The following MEG3 variants were observed in gnomAD, a reference collection of about 807,000 sequenced individuals.
MEG3 encodes the protein maternally expressed 3.
At chr14:100,856,748 A>G (rs1253538238), upstream of MEG3, 1 of 152,284 alleles carries the variant, frequency 6.6e-6, no homozygotes, top group Non-Finnish European at 1.5e-5. Flanking sequence ...GTACGCGTTC[A>G]CGCTCACCTC....
At chr14:100,836,239 G>A (rs2037574374) in exon 2 of MEG3, 2 of 456,646 alleles carry the variant, frequency 4.4e-6, no homozygotes, top group South Asian at 3.1e-5. Context: ...CCCTGATGGG[G>A]CCCACCATCC....
intron 1 of MEG3, among the ~76,000 whole-genome samples, chr14:100,826,647 G>T (rs951593293): frequency 6.6e-6 from 1 of 152,196 alleles, no homozygotes; most frequent in Non-Finnish European, 1.5e-5. Context: ...CATGAATTAG[G>T]GGGGGAAGCA....
At position 100,826,151 on chromosome 14, in the gene MEG3, T is replaced by G. The variant is rs557476435; in HGVS notation, n.372-2557T>G. The G allele has an allele frequency of 2.6e-5, 4 of 152,336 alleles. No individual in the cohort carries two copies. The South Asian group carries it at 8.3e-4, about 32-fold the overall frequency. The allele number at this position is 152,336 out of a possible 1,614,324, so 9.4% of individuals were successfully genotyped here. On this transcript the variant is annotated intron_variant and non_coding_transcript_variant, in intron 1 of 2. Transcript: ENST00000556407. The stretch of plus-strand genomic sequence containing the variant: ...CGGAGAGCAGAGAGGGAGCGCGCCT[T>G]GGCTCGCTGGCCTTGGCGGCGGCTC...
chr14:100,860,839 C>A, exon 2 of MEG3: 2 of 372,654 alleles, frequency 5.4e-6, no homozygotes, highest in Admixed American at 3.5e-5. Flanking sequence ...GGCTGGACCC[C>A]TGCCCACCCC....
intron 2 of MEG3, among the ~76,000 whole-genome samples, chr14:100,840,938 T>C (rs2037737186): frequency 6.6e-6 from 1 of 152,206 alleles, no homozygotes; most frequent in Non-Finnish European, 1.5e-5. Context: ...GCCCTTTCTC[T>C]GGGCCTTCCT....
At chr14:100,836,721 G>C (rs1388581444) in intron 2 of MEG3, among the ~76,000 whole-genome samples, 1 of 152,160 alleles carries the variant, frequency 6.6e-6, no homozygotes, top group Non-Finnish European at 1.5e-5. Context: ...ATGCTTGCCT[G>C]CTCCTCAGCT....
intron 1 of MEG3, among the ~76,000 whole-genome samples, chr14:100,826,961 G>A (rs2037251130): frequency 6.6e-6 from 1 of 151,450 alleles, no homozygotes; most frequent in African/African-American, 2.4e-5. Context: ...GGCACTGGGA[G>A]AATAGATGCA....
chr14:100,832,281 C>T (rs1374570420), downstream of MEG3: 1 of 152,202 alleles, frequency 6.6e-6, no homozygotes, highest in East Asian at 1.9e-4. Context: ...CATCAAATCA[C>T]CCTATTCTGG....
chr14:100,840,505 C>T (rs77713434), intron 2 of MEG3, among the ~76,000 whole-genome samples: 20 of 50,810 alleles, frequency 3.9e-4, no homozygotes, highest in Admixed American at 2.3e-3. Flanking sequence ...GCCTTTTTTT[C>T]CAGATGAAAA....
At chr14:100,855,332 T>C (rs2038206865), upstream of MEG3, 2 of 152,302 alleles carry the variant, frequency 1.3e-5, no homozygotes, top group African/African-American at 4.8e-5. Context: ...TGGGCTGTGG[T>C]TATGAAGCAA....
intron 2 of MEG3, among the ~76,000 whole-genome samples, chr14:100,843,182 A>G (rs1439065110): frequency 6.6e-6 from 1 of 152,232 alleles, no homozygotes; most frequent in Non-Finnish European, 1.5e-5. Flanking sequence ...CAGAAGCAGG[A>G]AAAAACCCAG....
chr14:100,826,383 T>G (rs1221861645), intron 1 of MEG3: 1 of 152,356 alleles, frequency 6.6e-6, no homozygotes, highest in Non-Finnish European at 1.5e-5. Flanking sequence ...CAACAAAATT[T>G]GTCAGAAAGA....
chr14:100,860,845 A>C, exon 2 of MEG3: 1 of 364,898 alleles, frequency 2.7e-6, no homozygotes, highest in Non-Finnish European at 5.4e-6. Flanking sequence ...ACCCCTGCCC[A>C]CCCCGCAGGA....
intron 1 of MEG3, chr14:100,835,893 C>T (rs2037557519): frequency 1.0e-5 from 3 of 291,478 alleles, no homozygotes; most frequent in Admixed American, 1.1e-4. Context: ...GGTGTTGCCC[C>T]CGCCTGCCTT....
intron 2 of MEG3, among the ~76,000 whole-genome samples, chr14:100,836,884 A>G (rs1405405563): frequency 6.6e-6 from 1 of 152,204 alleles, no homozygotes; most frequent in African/African-American, 2.4e-5. Flanking sequence ...TGAAATTGCA[A>G]TGAGACGGGA....
rs1227479453 is a variant in MEG3 at position 100,845,372 on chromosome 14, C to T, written n.3046-86C>T. The stretch of plus-strand genomic sequence containing the variant: ...GCTCCAGGCCACCCCTGCCCGCCCC[C>T]CAGAGCTGTTGTCCTCATCCGCCCT... On this transcript the variant is annotated intron_variant and non_coding_transcript_variant, in intron 2 of 3. Transcript: ENST00000398461. This position sits in a 1 kb window ranked among gnomAD's most constrained non-coding sequence, Gnocchi z 5.2. The T allele has an allele frequency of 2.5e-6, 1 of 393,398 alleles. No individual in the cohort carries two copies. Among genetic ancestry groups the T allele is most frequent in the African/African-American group, 2.2e-5 (1 of 45,502 alleles). The allele number at this position is 393,398 out of a possible 1,614,324, so 24.4% of individuals were successfully genotyped here. A position where few individuals can be genotyped will look rare whatever the true frequency, so the allele number is the denominator to read the frequency against.
At chr14:100,842,195 G>A (rs1243865557) in intron 2 of MEG3, among the ~76,000 whole-genome samples, 2 of 152,138 alleles carry the variant, frequency 1.3e-5, no homozygotes, top group Non-Finnish European at 2.9e-5. Context: ...ATGAGGAATC[G>A]AAAAATTGCC....
chr14:100,854,024 G>A (rs1481160702), upstream of MEG3: 10 of 152,228 alleles, frequency 6.6e-5, no homozygotes, highest in Admixed American at 4.6e-4. Context: ...AGGGTGGAAG[G>A]ATAGGCGGAA....
intron 1 of MEG3, among the ~76,000 whole-genome samples, chr14:100,828,081 G>A (rs1427451875): frequency 1.3e-5 from 2 of 152,014 alleles, no homozygotes; most frequent in African/African-American, 4.8e-5. Flanking sequence ...TCCAGGGGGC[G>A]TAGCGACCTG....
Sources: gnomAD v4.1 joint callset for allele counts (sites outside exome capture counted in the v4.1 genomes callset) on GRCh38, gnomAD v4.1.1 for gene constraint, Gnocchi (gnomAD v3.1) non-coding constraint, MANE v1.5 for transcripts, NCBI Gene and HGNC (gene_info 2026-07-23, HGNC 2026-07-21) for gene names.